The following CAMSAP3 variants were observed in gnomAD, a reference collection of about 807,000 sequenced individuals.
CAMSAP3 encodes calmodulin-regulated spectrin-associated protein 3.
In CAMSAP3, 34 loss-of-function variants were observed where a neutral mutation model predicts 112.5. That is an observed-to-expected ratio of 0.30 (90% confidence interval 0.23 to 0.40). The LOEUF is 0.40. Among genes scored for constraint, CAMSAP3 ranks in the 10% least tolerant of loss-of-function variants. CAMSAP3 has a pLI of 1.00. For synonymous variants in CAMSAP3, 868 were observed against 799.8 expected, an observed-to-expected ratio of 1.09 and a Z score of -1.44; for missense variants, 1,602 against 1,770.3, an observed-to-expected ratio of 0.90 and a Z score of 1.71.
At chr19:7,599,364 C>T (rs2029863492) in intron 1 of CAMSAP3, among the ~76,000 whole-genome samples, 1 of 143,698 alleles carries the variant, frequency 7.0e-6, no homozygotes. Context: ...ACCCATCCAT[C>T]CACCCACTCA....
At position 7,606,300 on chromosome 19, in the gene CAMSAP3, C is replaced by T; in HGVS notation, c.432C>T (p.Leu144=). Residue 144 remains leucine, a synonymous_variant, in exon 3 of 17, where the codon CTC becomes CTT. Transcript: ENST00000160298. Reference sequence around the variant, plus strand: ...CCCACCTAGCTGTCATTGATGCCCTCATGGCTGCCTTTGCCTTCGAGTGGA... The same window carrying T: ...CCCACCTAGCTGTCATTGATGCCCTTATGGCTGCCTTTGCCTTCGAGTGGA... The part of the protein sequence containing the change: ...MGAHLAVIDA[L]MAAFAFEWTK... The T allele has an allele frequency of 6.2e-7, 1 of 1,613,846 alleles. No homozygotes were observed. The highest frequency in any genetic ancestry group is 8.5e-7 in the Non-Finnish European group (1 of 1,180,022).
At chr19:7,596,627 G>T (rs2146148887) in intron 1 of CAMSAP3, among the ~76,000 whole-genome samples, 1 of 152,060 alleles carries the variant, frequency 6.6e-6, no homozygotes, top group East Asian at 1.9e-4. Flanking sequence ...GGTCTCGAGC[G>T]CTCCGGTCTC....
At position 7,607,870 on chromosome 19, in the gene CAMSAP3, T is replaced by G; in HGVS notation, c.622-256T>G. ...GAGTCGGGGAGCAAACCCCCCATGGTAATGTATCCCCCGCCCCGGGGTCCC... is the reference window on the plus strand; with the variant it reads ...GAGTCGGGGAGCAAACCCCCCATGGGAATGTATCCCCCGCCCCGGGGTCCC... On this transcript the variant is annotated intron_variant, in intron 4 of 16. Coordinates refer to ENST00000160298, the MANE Select transcript of CAMSAP3 (RefSeq NM_020902.2). The surrounding 1 kb of genome is among the most constrained non-coding windows in gnomAD (Gnocchi z 4.9). The G allele has an allele frequency of 8.4e-7, 1 of 1,194,630 alleles. No homozygotes were observed. The highest frequency in any genetic ancestry group is 1.2e-6 in the Non-Finnish European group (1 of 842,736). The allele number at this position is 1,194,630 out of a possible 1,614,324, so 74.0% of individuals were successfully genotyped here. A position where few individuals can be genotyped will look rare whatever the true frequency, so the allele number is the denominator to read the frequency against.
rs769249987 is a variant in CAMSAP3 at position 7,605,489 on chromosome 19, G to A, written c.402+10G>A. ...CCAGCCCATTCTCATGGTAGGCCCCGCCACTGCCTGTTAGACCACGCCTAC... is the reference window on the plus strand; with the variant it reads ...CCAGCCCATTCTCATGGTAGGCCCCACCACTGCCTGTTAGACCACGCCTAC... On this transcript the variant is annotated intron_variant, in intron 2 of 16. Coordinates refer to ENST00000160298, the MANE Select transcript of CAMSAP3 (RefSeq NM_020902.2). The A allele has an allele frequency of 1.4e-6, 2 of 1,452,972 alleles. No individual in the cohort carries two copies. Among genetic ancestry groups the A allele is most frequent in the Admixed American group, 2.6e-5 (1 of 38,146 alleles). 90.0% of individuals were successfully genotyped at this position (1,452,972 alleles called of 1,614,324 possible). A position where few individuals can be genotyped will look rare whatever the true frequency, so the allele number is the denominator to read the frequency against.
In CAMSAP3 at chr19:7,618,247, C is replaced by T; in HGVS notation, c.*190C>T. The T allele has an allele frequency of 1.6e-6, 1 of 609,510 alleles. No individual in the cohort carries two copies. The allele number at this position is 609,510 out of a possible 1,614,324, so 37.8% of individuals were successfully genotyped here. ...CTGGGAGGTTCAGGGACTCAGGGCT[C>T]AGCTCAGTCCCCTTGTCTGTCCTCC... is the stretch of plus-strand genomic sequence containing the variant. On this transcript the variant is annotated 3_prime_UTR_variant, in exon 17 of 17. Transcript: ENST00000160298.
rs1410186208 is a variant in CAMSAP3 at position 7,607,919 on chromosome 19, G to A, written c.622-207G>A. 8 of 806,308 alleles carry A rather than the reference G, an allele frequency of 9.9e-6. No homozygotes were observed. Among genetic ancestry groups the A allele is most frequent in the African/African-American group, 5.2e-5 (3 of 57,326 alleles). 49.9% of individuals were successfully genotyped at this position (806,308 alleles called of 1,614,324 possible). A position where few individuals can be genotyped will look rare whatever the true frequency, so the allele number is the denominator to read the frequency against. The stretch of plus-strand genomic sequence containing the variant: ...CCAGGAGTCCCTGTCCCCAGCCCCC[G>A]CTGCTGGCCTGGCTGCTCGAAGACA... On this transcript the variant is annotated intron_variant, in intron 4 of 16. Transcript: ENST00000160298. This position sits in a 1 kb window ranked among gnomAD's most constrained non-coding sequence, Gnocchi z 4.9.
chr19:7,600,782 T>C (rs1480725638), intron 1 of CAMSAP3, among the ~76,000 whole-genome samples: 34 of 9,406 alleles, frequency 3.6e-3, no homozygotes, highest in South Asian at 0.011. Context: ...ACCCATCCAC[T>C]TATCCACCCA....
Position 7,595,948 on chromosome 19 carries a change from GCC to G in CAMSAP3, c.-53_-52del. On this transcript the variant is annotated 5_prime_UTR_variant, in exon 1 of 17. Transcript: ENST00000160298. ...CCGGCTGGGGCGCGAGCGCGGCGCAGCCCAGCCCAGCCCAGTCCGAGCGCGGA... is the reference window on the plus strand; with the variant it reads ...CCGGCTGGGGCGCGAGCGCGGCGCAGCAGCCCAGCCCAGTCCGAGCGCGGA... 1 of 881,918 alleles carries G rather than the reference GCC, an allele frequency of 1.1e-6. No individual in the cohort carries two copies. The highest frequency in any genetic ancestry group is 1.4e-6 in the Non-Finnish European group (1 of 728,610). 54.6% of individuals were successfully genotyped at this position (881,918 alleles called of 1,614,324 possible). A position where few individuals can be genotyped will look rare whatever the true frequency, so the allele number is the denominator to read the frequency against.
At chr19:7,601,236 T>C (rs1326159190) in intron 1 of CAMSAP3, among the ~76,000 whole-genome samples, 3 of 152,264 alleles carry the variant, frequency 2.0e-5, no homozygotes, top group Non-Finnish European at 2.9e-5. Context: ...AATATATTAC[T>C]AAATTCTTAT....
intron 5 of CAMSAP3, among the ~76,000 whole-genome samples, chr19:7,609,996 G>C (rs548023700): frequency 6.6e-5 from 10 of 152,242 alleles, no homozygotes; most frequent in Admixed American, 6.5e-4. Context: ...CGGGGGTTAA[G>C]GACCCCCGGC....
chr19:7,608,659 G>T (rs2030333248), intron 5 of CAMSAP3, among the ~76,000 whole-genome samples: 1 of 148,590 alleles, frequency 6.7e-6, no homozygotes, highest in Admixed American at 6.7e-5. Flanking sequence ...TTTGAGACGG[G>T]AGTCTTGCTC....
Position 7,612,144 on chromosome 19 carries a change from G to T in CAMSAP3, c.1651G>T (p.Val551Leu). 6.2e-7 allele frequency: 1 copy of T among 1,612,516 alleles called. No homozygotes were observed. Among genetic ancestry groups the T allele is most frequent in the Non-Finnish European group, 8.5e-7 (1 of 1,179,794 alleles). ...CCCATCCGAGGGGTCCCCGAAGGCG[G>T]TGGCTTCGTCCCCAGCAGCCACCAA... ...PAPSEGSPKA[V>L]ASSPAATNSE... The change falls in exon 11 of 17, where the codon GTG (valine) becomes TTG (leucine). Residue 551 changes from valine to leucine, a missense_variant. Transcript: ENST00000160298.
At chr19:7,596,402 G>T (rs2024443465) in intron 1 of CAMSAP3, among the ~76,000 whole-genome samples, 1 of 151,272 alleles carries the variant, frequency 6.6e-6, no homozygotes, top group Non-Finnish European at 1.5e-5. Context: ...CCGCGCGGGG[G>T]TCCCCGGCGT....
intron 1 of CAMSAP3, among the ~76,000 whole-genome samples, chr19:7,597,641 G>C (rs548611048): frequency 1.3e-5 from 2 of 152,224 alleles, no homozygotes; most frequent in Non-Finnish European, 2.9e-5. Flanking sequence ...AGGCGTAAAA[G>C]CTGTAGTGAC....
At chr19:7,603,010 AAAG>A (rs1186074389) in intron 1 of CAMSAP3, among the ~76,000 whole-genome samples, 1 of 152,042 alleles carries the variant, frequency 6.6e-6, no homozygotes, top group Non-Finnish European at 1.5e-5. Context: ...AGAGGGGCAA[AAAG>A]AAGGTCCAAG....
rs954295945 is a variant in CAMSAP3 at position 7,615,505 on chromosome 19, C to G, written c.2898C>G (p.Ala966=). The G allele has an allele frequency of 1.3e-6, 2 of 1,539,058 alleles. No individual in the cohort carries two copies. The highest frequency in any genetic ancestry group is 1.7e-4 in the Middle Eastern group (1 of 5,942). Residue 966 remains alanine (A), a synonymous_variant, in exon 13 of 17, where the codon GCC becomes GCG. Coordinates refer to ENST00000160298, the MANE Select transcript of CAMSAP3 (RefSeq NM_020902.2). The surrounding 1 kb of genome is among the most constrained non-coding windows in gnomAD (Gnocchi z 6.5). ...CAGCCCCTGCTGCCCGGGCTCCAGC[C>G]GAGGAGGAGGTGGGCCCCCGGAAGG... ...ATPAPAARAP[A]EEEVGPRKGD... is the part of the protein sequence containing the mutation.
At chr19:7,601,944 G>T (rs1396062625) in intron 1 of CAMSAP3, among the ~76,000 whole-genome samples, 3 of 151,762 alleles carry the variant, frequency 2.0e-5, no homozygotes, top group African/African-American at 4.8e-5. Context: ...CACGCCTGTA[G>T]TCCCAGCTAC....
At chr19:7,613,228 G>GGGGGGGGGC in intron 11 of CAMSAP3, 65 bp downstream of exon 11, 1 of 276,190 alleles carries the variant, frequency 3.6e-6, no homozygotes, top group Non-Finnish European at 6.5e-6. Flanking sequence ...GGGGCGGGGG[G>GGGGGGGGGC]AGGTGGACAA....
intron 1 of CAMSAP3, among the ~76,000 whole-genome samples, chr19:7,601,070 C>CAGA (rs1246462322): frequency 6.6e-6 from 1 of 151,964 alleles, no homozygotes; most frequent in Non-Finnish European, 1.5e-5. Context: ...TGTGGTTGAT[C>CAGA]AGAACCAAGA....
Sources: gnomAD v4.1 joint callset for allele counts (sites outside exome capture counted in the v4.1 genomes callset) on GRCh38, gnomAD v4.1.1 for gene constraint, Gnocchi (gnomAD v3.1) non-coding constraint, MANE v1.5 for transcripts, NCBI Gene and HGNC (gene_info 2026-07-23, HGNC 2026-07-21) for gene names.